The following ARHGAP32 variants were observed in gnomAD, a reference collection of about 807,000 sequenced individuals.
ARHGAP32 encodes the protein Rho GTPase activating protein 32.
In ARHGAP32, 51 loss-of-function variants were observed where a neutral mutation model predicts 186.5. That is an observed-to-expected ratio of 0.27 (90% confidence interval 0.22 to 0.35). The LOEUF (loss-of-function observed/expected upper bound fraction) is 0.35. Among genes scored for constraint, ARHGAP32 ranks in the 10% least tolerant of loss-of-function variants. The probability of loss-of-function intolerance (pLI) is 1.00; values close to 1 mark genes in which losing one functional copy is unlikely to be tolerated. For missense variants in ARHGAP32, 2,186 were observed against 2,623.5 expected, an observed-to-expected ratio of 0.83 and a Z score of 3.64; for synonymous variants, 950 against 964.3, an observed-to-expected ratio of 0.99 and a Z score of 0.27.
chr11:129,098,418 CT>C (rs1031692755), intron 5 of ARHGAP32, among the ~76,000 whole-genome samples: 3 of 151,140 alleles, frequency 2.0e-5, no homozygotes, highest in Admixed American at 6.6e-5. Context: ...TTTTCTTTTT[CT>C]TTTTTCTTTT....
intron 9 of ARHGAP32, among the ~76,000 whole-genome samples, 165 bp from the exon 10 acceptor site, chr11:129,062,522 T>G (rs1276884427): frequency 6.6e-6 from 1 of 152,228 alleles, no homozygotes; most frequent in African/African-American, 2.4e-5. Context: ...CATTTAATTA[T>G]CTTATGATTT....
Position 129,066,337 on chromosome 11 carries a change from TA to T in ARHGAP32, c.669+393del, listed in dbSNP as rs142192728. Reference sequence around the variant, plus strand: ...AGAAATCTTTTACGTTTTTACTATTTATTTTTTTGTAGGGGTGAAGGTAGGT... The same window carrying T: ...AGAAATCTTTTACGTTTTTACTATTTTTTTTTTGTAGGGGTGAAGGTAGGT... On this transcript the variant is annotated intron_variant, in intron 7 of 22. Transcript: ENST00000682385. 8.5e-3 allele frequency among the ~76,000 whole-genome samples: 1,292 copies of T among 152,194 alleles called. 20 individuals carry two copies. Among genetic ancestry groups the T allele is most frequent in the African/African-American group, 0.029 (1,213 of 41,526 alleles).
At chr11:129,080,384 C>G (rs1275075376) in intron 6 of ARHGAP32, among the ~76,000 whole-genome samples, 1 of 151,840 alleles carries the variant, frequency 6.6e-6, no homozygotes, top group Non-Finnish European at 1.5e-5. Context: ...TAAAGAAAAT[C>G]GAAATTATAA....
chr11:128,988,830 T>C (rs371992410), intron 12 of ARHGAP32, among the ~76,000 whole-genome samples: 70 of 152,340 alleles, frequency 4.6e-4, no homozygotes, highest in African/African-American at 1.7e-3. Context: ...TGCTGGGGCA[T>C]GCAGTATAAA....
intron 2 of ARHGAP32, among the ~76,000 whole-genome samples, chr11:129,138,781 G>A (rs1459814632): frequency 2.0e-5 from 3 of 152,122 alleles, no homozygotes; most frequent in East Asian, 1.9e-4. Flanking sequence ...GAACACCAAT[G>A]AGTATTACCA....
rs1944113298 is a variant in ARHGAP32, at chr11:129,184,329, G to T, written c.116+7754C>A. ...CAGATACTTTGCTTAGCAGCTAAAA[G>T]ATAGGTTCTGAACAGTCAGAATAAA... On this transcript the variant is annotated intron_variant, in intron 1 of 22. Transcript: ENST00000682385. Among the ~76,000 whole-genome samples the T allele has an allele frequency of 2.0e-5, 3 of 152,084 alleles. No homozygotes were observed. In the South Asian group the frequency reaches 6.2e-4, roughly 32 times the overall value.
intron 1 of ARHGAP32, among the ~76,000 whole-genome samples, chr11:129,174,091 G>C (rs1295518519): frequency 6.6e-6 from 1 of 152,190 alleles, no homozygotes; most frequent in Admixed American, 6.5e-5. Flanking sequence ...CGCGCACCGT[G>C]CACAAGCCAA....
intron 1 of ARHGAP32, among the ~76,000 whole-genome samples, chr11:129,206,929 G>A (rs1052145566): frequency 6.6e-5 from 10 of 151,870 alleles, no homozygotes; most frequent in East Asian, 1.9e-4. Context: ...AACAGGCCCC[G>A]GTGTGTGATG....
chr11:129,005,304 G>C (rs1937704519), intron 11 of ARHGAP32, among the ~76,000 whole-genome samples: 1 of 152,110 alleles, frequency 6.6e-6, no homozygotes, highest in Non-Finnish European at 1.5e-5. Flanking sequence ...ACCACAGTTA[G>C]TGTTATAATA....
intron 1 of ARHGAP32, among the ~76,000 whole-genome samples, chr11:129,228,591 G>C (rs761052262): frequency 2.6e-5 from 4 of 152,166 alleles, no homozygotes; most frequent in Non-Finnish European, 5.9e-5. Context: ...ATTATCCTCA[G>C]CAAACCAACA....
chr11:129,279,239 GC>G (rs1417143273), exon 1 of ARHGAP32: 202 of 9,282 alleles, frequency 0.022, 1 homozygote, highest in African/African-American at 0.22. Flanking sequence ...GACGCCCTCC[GC>G]CCGCCGCCGC....
chr11:129,124,727 A>C (rs1942619027), intron 3 of ARHGAP32, 76 bp downstream of exon 3: 2 of 1,165,704 alleles, frequency 1.7e-6, no homozygotes, highest in Admixed American at 4.8e-5. Context: ...AGTCTAAATA[A>C]AAGTTTTAAG....
chr11:129,256,713 T>A (rs369217296), intron 1 of ARHGAP32, among the ~76,000 whole-genome samples: 1 of 152,152 alleles, frequency 6.6e-6, no homozygotes, highest in Non-Finnish European at 1.5e-5. Context: ...TGAAAGAATA[T>A]CATAACGGGC....
chr11:129,106,113 A>G (rs1293968835), intron 5 of ARHGAP32, among the ~76,000 whole-genome samples: 1 of 152,136 alleles, frequency 6.6e-6, no homozygotes, highest in Non-Finnish European at 1.5e-5. Flanking sequence ...CAGTTTGGAG[A>G]TATCTCAAAA....
intron 10 of ARHGAP32, among the ~76,000 whole-genome samples, chr11:129,043,381 C>CTTTTTTTTTTTTT (rs1213682729): frequency 1.9e-5 from 2 of 103,336 alleles, no homozygotes; most frequent in Non-Finnish European, 3.8e-5. Flanking sequence ...TTCTTTTTTT[C>CTTTTTTTTTTTTT]TTTTTTTTTT....
Position 128,969,659 on chromosome 11 carries a change from T to C in ARHGAP32, c.5554A>G (p.Arg1852Gly). 1.9e-6 allele frequency: 3 copies of C among 1,614,158 alleles called. No individual in the cohort carries two copies. In the South Asian group the frequency reaches 3.3e-5, roughly 18 times the overall value. Residue 1852 changes from arginine (R) to glycine (G), a missense_variant, in exon 23 of 23, where the codon AGA becomes GGA. Transcript: ENST00000682385. This position sits in a 1 kb window ranked among gnomAD's most constrained non-coding sequence, Gnocchi z 4.8. ...YRRHPEAEMD[R>G]AHHHGGHGST... ...CCATGGCCTCCGTGATGGTGGGCTC[T>C]GTCCATCTCTGCCTCGGGATGCCTC...
Position 129,274,349 on chromosome 11 carries a change from T to G in ARHGAP32, c.-5+4797A>C, listed in dbSNP as rs1450336645. 5.9e-5 allele frequency among the ~76,000 whole-genome samples: 9 copies of G among 152,326 alleles called. No individual in the cohort carries two copies. In the South Asian group the frequency reaches 8.3e-4, roughly 14 times the overall value. On this transcript the variant is annotated intron_variant, in intron 1 of 6. Coordinates refer to the ARHGAP32 transcript ENST00000525234. ...ATCTCATCTTCTTTAGGTCTACTTT[T>G]TTTGAGGTGCTATAATCAGAACACC...
At chr11:129,136,798 A>G (rs1327724293) in intron 2 of ARHGAP32, among the ~76,000 whole-genome samples, 1 of 152,116 alleles carries the variant, frequency 6.6e-6, no homozygotes, top group Non-Finnish European at 1.5e-5. Flanking sequence ...ACACCCATTC[A>G]TGATAAGAAC....
intron 18 of ARHGAP32, among the ~76,000 whole-genome samples, chr11:128,980,204 C>A (rs1368069436): frequency 6.6e-6 from 1 of 152,238 alleles, no homozygotes. Flanking sequence ...ACTTTCTGAA[C>A]AAACTCTTCC....
Sources: allele counts gnomAD v4.1 joint callset (sites outside exome capture counted in the v4.1 genomes callset), GRCh38; gene constraint gnomAD v4.1.1; non-coding constraint Gnocchi (gnomAD v3.1); transcripts MANE v1.5; gene names NCBI Gene and HGNC (gene_info 2026-07-23, HGNC 2026-07-21).